Variants in CSK observed in about 807,000 individuals in gnomAD.
The protein encoded by CSK is C-terminal Src kinase.
Under a neutral mutation model 62.3 loss-of-function variants are expected in CSK, and 7 were observed. That is an observed-to-expected ratio of 0.11 (90% CI 0.06 to 0.21). The LOEUF is 0.21. Among genes scored for constraint, CSK ranks in the 10% least tolerant of loss-of-function variants. The probability of loss-of-function intolerance (pLI) is 1.00; values close to 1 mark genes in which losing one functional copy is unlikely to be tolerated. For synonymous variants in CSK, 237 were observed against 246.0 expected (o/e 0.96, Z 0.34); for missense variants, 294 against 613.5 (o/e 0.48, Z 5.50).
At chr15:74,796,452 C>T (rs774636775) in intron 1 of CSK, among the ~76,000 whole-genome samples, 3 of 151,764 alleles carry the variant, frequency 2.0e-5, no homozygotes, top group East Asian at 3.9e-4. Flanking sequence ...CATCCAGCCA[C>T]GTGTGGTGGC....
At chr15:74,787,848 C>T (rs1162407520) in intron 1 of CSK, among the ~76,000 whole-genome samples, 1 of 152,262 alleles carries the variant, frequency 6.6e-6, no homozygotes, top group Non-Finnish European at 1.5e-5. Flanking sequence ...CAGCCTGACA[C>T]CTGGTCCTCA....
At chr15:74,790,175 G>A (rs1291871374) in intron 1 of CSK, among the ~76,000 whole-genome samples, 2 of 152,224 alleles carry the variant, frequency 1.3e-5, no homozygotes, top group Non-Finnish European at 2.9e-5. Context: ...AATCTCCGGG[G>A]GCCAGGGCCC....
rs751921280 is a variant in CSK at position 74,800,432 on chromosome 15, T to C, written c.483T>C (p.Asp161=). ...TGCAGCACTACACCTCAGACGCAGA[T>C]GGACTCTGTACGCGCCTCATTAAAC... ...QLVEHYTSDA[D]GLCTRLIKPK... Residue 161 remains aspartate (D), a synonymous_variant, in exon 6 of 13, where the codon GAT becomes GAC. Transcript: ENST00000220003. 6.2e-7 allele frequency: 1 copy of C among 1,614,036 alleles called. No individual in the cohort carries two copies. Among genetic ancestry groups the C allele is most frequent in the Non-Finnish European group, 8.5e-7 (1 of 1,179,962 alleles).
intron 1 of CSK, among the ~76,000 whole-genome samples, chr15:74,786,043 G>GTGTGTGTGT (rs2063517571): frequency 8.2e-6 from 1 of 121,820 alleles, no homozygotes; most frequent in African/African-American, 2.9e-5. Context: ...GTGTGTGTGT[G>GTGTGTGTGT]AGATGGAGTT....
At chr15:74,799,519 C>G (rs748406389) in intron 5 of CSK, 28 bp downstream of exon 5, 7 of 1,599,822 alleles carry the variant, frequency 4.4e-6, no homozygotes, top group African/African-American at 1.3e-5. Context: ...GAGCCTTGCT[C>G]CCACCCTCAC....
chr15:74,787,448 A>G (rs1232028327), intron 1 of CSK, among the ~76,000 whole-genome samples: 3 of 151,430 alleles, frequency 2.0e-5, no homozygotes, highest in Admixed American at 6.6e-5. Context: ...AAAAAATCCC[A>G]TTTTTCCCAT....
At chr15:74,791,351 G>T (rs35725411) in intron 1 of CSK, among the ~76,000 whole-genome samples, 3 of 152,156 alleles carry the variant, frequency 2.0e-5, no homozygotes, top group Non-Finnish European at 4.4e-5. Flanking sequence ...AGATTTGCCA[G>T]TTCTTAACAT....
At chr15:74,790,078 C>T (rs2063594400) in intron 1 of CSK, among the ~76,000 whole-genome samples, 1 of 152,238 alleles carries the variant, frequency 6.6e-6, no homozygotes, top group Admixed American at 6.5e-5. Flanking sequence ...AATGAGAAGG[C>T]AAGGTGGACC....
chr15:74,786,616 G>A (rs1304265671), intron 1 of CSK, among the ~76,000 whole-genome samples: 1 of 152,148 alleles, frequency 6.6e-6, no homozygotes, highest in East Asian at 1.9e-4. Context: ...TCCTCAGCAG[G>A]TGTTCCCCAG....
intron 1 of CSK, among the ~76,000 whole-genome samples, chr15:74,794,931 G>A (rs1048593027): frequency 1.3e-5 from 2 of 152,156 alleles, no homozygotes; most frequent in African/African-American, 2.4e-5. Context: ...GCCTGGCAGA[G>A]TTTATGCCAG....
Position 74,798,378 on chromosome 15 carries a change from G to C in CSK, c.15+66G>C, listed in dbSNP as rs775379253. 1 of 1,574,318 alleles carries C rather than the reference G, an allele frequency of 6.4e-7. No homozygotes were observed. Among genetic ancestry groups the C allele is most frequent in the Non-Finnish European group, 8.7e-7 (1 of 1,155,426 alleles). On this transcript the variant is annotated intron_variant, in intron 2 of 12. Transcript: ENST00000220003. The surrounding 1 kb of genome is among the most constrained non-coding windows in gnomAD (Gnocchi z 6.6). ...ACCAGCCCCAGCGGGGTGCTTAGCA[G>C]AGGAGAGAGGATGCAGCTTAGATCA...
chr15:74,786,346 T>C (rs2063522518), intron 1 of CSK, among the ~76,000 whole-genome samples: 2 of 152,082 alleles, frequency 1.3e-5, no homozygotes, highest in South Asian at 4.1e-4. Flanking sequence ...GCCTCCTGCC[T>C]CCCAGCTCTG....
intron 1 of CSK, among the ~76,000 whole-genome samples, chr15:74,791,650 T>C (rs1292690040): frequency 1.3e-5 from 2 of 152,262 alleles, no homozygotes; most frequent in Admixed American, 6.5e-5. Flanking sequence ...TCTTGTCATG[T>C]TTCTCTAGTG....
chr15:74,794,836 A>G (rs1436345986), intron 1 of CSK, among the ~76,000 whole-genome samples: 1 of 152,014 alleles, frequency 6.6e-6, no homozygotes, highest in Non-Finnish European at 1.5e-5. Flanking sequence ...TCTGCTCTCC[A>G]TGATCACATG....
intron 1 of CSK, among the ~76,000 whole-genome samples, chr15:74,792,389 A>G (rs1213961309): frequency 6.6e-6 from 1 of 152,130 alleles, no homozygotes; most frequent in African/African-American, 2.4e-5. Flanking sequence ...AGCAGATGGG[A>G]AACAGGTCTG....
intron 1 of CSK, among the ~76,000 whole-genome samples, chr15:74,785,206 G>C (rs2063497148): frequency 6.6e-6 from 1 of 152,188 alleles, no homozygotes; most frequent in Non-Finnish European, 1.5e-5. Context: ...ACTGGAGTGT[G>C]TGTGCCGTGA....
At chr15:74,790,895 G>T (rs2063610434) in intron 1 of CSK, 2 of 152,240 alleles carry the variant, frequency 1.3e-5, no homozygotes, top group Admixed American at 1.3e-4. Flanking sequence ...AGAGGCCTTG[G>T]AGGCCTCGGC....
At position 74,802,325 on chromosome 15, in the gene CSK, C is replaced by T. The variant is rs1422458883; in HGVS notation, c.1171-6C>T. 3 of 1,579,906 alleles carry T rather than the reference C, an allele frequency of 1.9e-6. No homozygotes were observed. In the Admixed American group the frequency reaches 5.8e-5, roughly 31 times the overall value. On this transcript the variant is annotated splice_region_variant and splice_polypyrimidine_tract_variant and intron_variant, in intron 12 of 12. Transcript: ENST00000220003. ...TGGACTGACTCCTGCCTCCCCCTGG[C>T]CACAGCCCCTGAAGGACGTCGTCCC...
chr15:74,787,916 G>T, intron 1 of CSK, among the ~76,000 whole-genome samples: 1 of 152,216 alleles, frequency 6.6e-6, no homozygotes. Flanking sequence ...CAGGGAGACA[G>T]GAGGGAAGGA....
Sources: gnomAD v4.1 joint callset for allele counts (sites outside exome capture counted in the v4.1 genomes callset) on GRCh38, gnomAD v4.1.1 for gene constraint, Gnocchi (gnomAD v3.1) non-coding constraint, MANE v1.5 for transcripts, NCBI Gene and HGNC (gene_info 2026-07-23, HGNC 2026-07-21) for gene names.